HERC6: variants seen among roughly 807,000 people sequenced by gnomAD.
HERC6 encodes HECT and RLD domain containing E3 ubiquitin protein ligase family member 6, also known as probable E3 ubiquitin-protein ligase HERC6.
Under a neutral mutation model 114.5 loss-of-function variants are expected in HERC6, and 101 were observed. The observed-to-expected ratio is 0.88, with a 90% CI of 0.75 to 1.04. The LOEUF is 1.04. Ranked by LOEUF, HERC6 falls within the 50% of genes least tolerant of loss-of-function variation. The probability of loss-of-function intolerance (pLI) is 0.00; values close to 1 mark genes in which losing one functional copy is unlikely to be tolerated. For synonymous variants in HERC6, 408 were observed against 436.2 expected (o/e 0.94, Z 0.81); for missense variants, 1,133 against 1,230.9 (o/e 0.92, Z 1.19).
At chr4:88,393,461 T>A in intron 4 of HERC6, 27 bp from the exon 5 acceptor site, 2 of 1,433,662 alleles carry the variant, frequency 1.4e-6, no homozygotes, top group Non-Finnish European at 2.0e-6. Flanking sequence ...TTTCTTATAC[T>A]CTAGAGATTC....
intron 8 of HERC6, 139 bp downstream of exon 8, chr4:88,398,348 A>G: frequency 2.2e-6 from 1 of 459,730 alleles, no homozygotes; most frequent in Non-Finnish European, 3.8e-6. Context: ...TGCTTATGAA[A>G]AAAATATTAC....
chr4:88,379,195 G>T, intron 1 of HERC6, 75 bp downstream of exon 1: 1 of 1,237,420 alleles, frequency 8.1e-7, no homozygotes, highest in Non-Finnish European at 1.1e-6. Context: ...CCGGGCGCAG[G>T]GAACCGGGTG....
chr4:88,414,309 A>C (rs1009041508), intron 12 of HERC6, among the ~76,000 whole-genome samples: 1 of 119,750 alleles, frequency 8.4e-6, no homozygotes, highest in African/African-American at 4.3e-5. Context: ...CGACTCTACC[A>C]ATTTTTTTTT....
chr4:88,398,147 G>C lies in HERC6; in HGVS notation c.1030G>C (p.Val344Leu). ...ISCLISAEDFVDVQVKHIFAG... is the reference protein window; with the variant it reads ...ISCLISAEDFLDVQVKHIFAG... ...GATTTATGACTTTCTTTTAGACTTC[G>C]TGGATGTTCAAGTCAAACACATTTT... Residue 344 changes from valine to leucine, a missense_variant, in exon 8 of 23, where the codon GTG (valine) becomes CTG (leucine). Coordinates refer to ENST00000264346, the MANE Select transcript of HERC6 (RefSeq NM_017912.4). The C allele has an allele frequency of 6.3e-7, 1 of 1,588,590 alleles. No homozygotes were observed. Among genetic ancestry groups the C allele is most frequent in the Non-Finnish European group, 8.6e-7 (1 of 1,166,550 alleles).
At chr4:88,418,768 C>T (rs1326735812) in intron 13 of HERC6, among the ~76,000 whole-genome samples, 3 of 152,070 alleles carry the variant, frequency 2.0e-5, no homozygotes, top group African/African-American at 7.2e-5. Flanking sequence ...GCCCTGTTGC[C>T]CAGGCTGGAG....
chr4:88,414,745 C>G (rs1257150553), intron 12 of HERC6, among the ~76,000 whole-genome samples: 2 of 152,184 alleles, frequency 1.3e-5, no homozygotes, highest in Non-Finnish European at 2.9e-5. Context: ...AGAGGTCACT[C>G]TCATTGCCAT....
At chr4:88,386,281 C>G (rs1734577815) in intron 3 of HERC6, among the ~76,000 whole-genome samples, 1 of 150,680 alleles carries the variant, frequency 6.6e-6, no homozygotes, top group South Asian at 2.1e-4. Flanking sequence ...TCTCAGCTCA[C>G]TGCAACCTCC....
At position 88,398,176 on chromosome 4, in the gene HERC6, T is replaced by G. The variant is rs768054841; in HGVS notation, c.1059T>G (p.Ala353=). The G allele has an allele frequency of 6.9e-6, 11 of 1,598,486 alleles. No individual in the cohort carries two copies. The highest frequency in any genetic ancestry group is 1.7e-4 in the Middle Eastern group (1 of 6,034). The change falls in exon 8 of 23, where the codon GCT becomes GCG. Residue 353 remains alanine (A), a synonymous_variant. Transcript: ENST00000264346. ...FVDVQVKHIF[A]GTYANFVTTH... ...ATGTTCAAGTCAAACACATTTTTGC[T>G]GGAACATATGCCAACTTTGTGACAA...
chr4:88,416,909 G>C (rs578074811), intron 12 of HERC6, among the ~76,000 whole-genome samples: 26 of 152,068 alleles, frequency 1.7e-4, no homozygotes, highest in Admixed American at 1.6e-3. Flanking sequence ...GAATTTAAAG[G>C]TTCCACATTC....
intron 8 of HERC6, among the ~76,000 whole-genome samples, chr4:88,401,457 C>T (rs1735532557): frequency 6.8e-6 from 1 of 148,056 alleles, no homozygotes; most frequent in African/African-American, 2.5e-5. Flanking sequence ...CGCCACTGCA[C>T]TCCAGCCTGG....
In HERC6 at chr4:88,398,194, T is replaced by A; in HGVS notation, c.1077T>A (p.Phe359Leu). 6.3e-7 allele frequency: 1 copy of A among 1,593,732 alleles called. No individual in the cohort carries two copies. The highest frequency in any genetic ancestry group is 1.2e-5 in the South Asian group (1 of 86,582). Residue 359 changes from phenylalanine (F) to leucine (L), a missense_variant, in exon 8 of 23, where the codon TTT becomes TTA. Phe to Leu is a conservative substitution (Grantham distance 22). Coordinates refer to ENST00000264346, the MANE Select transcript of HERC6 (RefSeq NM_017912.4). ...TTTTTGCTGGAACATATGCCAACTT[T>A]GTGACAACTCATCAGGTATCTATTA... ...KHIFAGTYANFVTTHQDTSST... is the reference protein window; with the variant it reads ...KHIFAGTYANLVTTHQDTSST...
rs76737974 is a variant in HERC6, at chr4:88,414,248, A to C, written c.1558+982A>C. Among the ~76,000 whole-genome samples the C allele has an allele frequency of 3.3e-4, 50 of 152,148 alleles. 1 individual carries two copies. In the East Asian group the frequency reaches 9.3e-3, roughly 28 times the overall value. ...CATTTTGGGAGACTAAGGTGAGAGA[A>C]TCTTTTGAGCCCAGGAGGTTGAGGG... On this transcript the variant is annotated intron_variant, in intron 12 of 22. Transcript: ENST00000264346.
chr4:88,393,740 T>G (rs1460612086), intron 5 of HERC6, among the ~76,000 whole-genome samples, 158 bp downstream of exon 5: 1 of 152,220 alleles, frequency 6.6e-6, no homozygotes, highest in Non-Finnish European at 1.5e-5. Context: ...GAGATCTATT[T>G]CCCATAGTTC....
chr4:88,421,734 C>T (rs1487361724), intron 13 of HERC6, among the ~76,000 whole-genome samples: 1 of 152,168 alleles, frequency 6.6e-6, no homozygotes, highest in Non-Finnish European at 1.5e-5. Flanking sequence ...GCATAAGCCA[C>T]CGCACCCGAC....
chr4:88,396,927 C>T lies in HERC6; in HGVS notation c.964C>T (p.Pro322Ser), dbSNP rs780167669. The change falls in exon 7 of 23, where the codon CCA (proline) becomes TCA (serine). Residue 322 changes from proline to serine, a missense_variant. Physicochemically the swap from Pro to Ser is moderately conservative, Grantham distance 74. This residue lies in a region of HERC6 where 735 missense variants were observed against 754.0 expected (regional missense o/e 0.97). Transcript: ENST00000264346. ...FGHGPSDTSKPTHPEALTENF... is the reference protein window; with the variant it reads ...FGHGPSDTSKSTHPEALTENF... The stretch of plus-strand genomic sequence containing the variant: ...TCATGGACCAAGTGACACAAGCAAG[C>T]CAACTCATCCGGAGGCCCTGACAGA... 68 of 1,611,298 alleles carry T rather than the reference C, an allele frequency of 4.2e-5. No individual in the cohort carries two copies. In the Admixed American group the frequency reaches 1.1e-3, roughly 27 times the overall value.
At chr4:88,429,598 A>G (rs531127469) in intron 16 of HERC6, among the ~76,000 whole-genome samples, 6 of 152,264 alleles carry the variant, frequency 3.9e-5, no homozygotes, top group Admixed American at 3.9e-4. Flanking sequence ...AATAATGACT[A>G]ACTCTGTAGG....
chr4:88,416,077 G>A (rs1227621972), intron 12 of HERC6, among the ~76,000 whole-genome samples: 1 of 152,186 alleles, frequency 6.6e-6, no homozygotes, highest in Non-Finnish European at 1.5e-5. Context: ...TGGAATTCAG[G>A]ATCTGCAAAA....
At position 88,385,595 on chromosome 4, in the gene HERC6, T is replaced by A. The variant is rs1301518773; in HGVS notation, c.436+20T>A. The stretch of plus-strand genomic sequence containing the variant: ...CAAAAGGTAAGAAACACTTTTTGGA[T>A]CTGAGTGTGAGTAGGAAGTAATTTT... On this transcript the variant is annotated intron_variant, in intron 3 of 22. Transcript: ENST00000264346. 1.5e-6 allele frequency: 2 copies of A among 1,349,326 alleles called. No homozygotes were observed. Among genetic ancestry groups the A allele is most frequent in the African/African-American group, 3.0e-5 (2 of 66,698 alleles). The allele number at this position is 1,349,326 out of a possible 1,614,324, so 83.6% of individuals were successfully genotyped here.
At chr4:88,380,085 T>A (rs367596696) in intron 1 of HERC6, among the ~76,000 whole-genome samples, 3 of 9,542 alleles carry the variant, frequency 3.1e-4, no homozygotes, top group Non-Finnish European at 5.6e-4. Flanking sequence ...TAAATATATA[T>A]AATATATAAA....
Sources: gnomAD v4.1 joint callset for allele counts (sites outside exome capture counted in the v4.1 genomes callset) on GRCh38, gnomAD v4.1.1 for gene constraint, gnomAD v4.1.1 regional missense constraint, MANE v1.5 for transcripts, NCBI Gene and HGNC (gene_info 2026-07-23, HGNC 2026-07-21) for gene names.